The following ITIH4 variants were observed in gnomAD, a reference collection of about 807,000 sequenced individuals.
ITIH4 encodes the protein inter-alpha-trypsin inhibitor heavy chain 4.
ITIH4 carries 79 observed loss-of-function variants against 111.8 expected under a neutral mutation model. That is an observed-to-expected ratio of 0.71 (90% confidence interval 0.59 to 0.85). ITIH4 has a LOEUF of 0.85. Among genes scored for constraint, ITIH4 ranks in the 40% least tolerant of loss-of-function variants. The pLI is 0.00. For missense variants in ITIH4, 1,065 were observed against 1,195.8 expected (o/e 0.89, Z 1.61); for synonymous variants, 472 against 468.3 (o/e 1.01, Z -0.10).
chr3:52,821,273 T>A, intron 11 of ITIH4, 143 bp from the exon 12 acceptor site: 2 of 961,242 alleles, frequency 2.1e-6, no homozygotes, highest in South Asian at 1.6e-5. Context: ...TGAGTGGGGG[T>A]AAGGAGGGGG....
rs1447829807 is a variant in ITIH4, at chr3:52,821,036, T to A, written c.1634A>T (p.Glu545Val). ...GATAGTCAGGTATGCCCAGAGCCTC[T>A]CCATGAAGTTGTGGAAGATATACTT... is the stretch of plus-strand genomic sequence containing the variant. ...SPKYIFHNFM[E>V]RLWAYLTIQQ... The change falls in exon 12 of 24, where the codon GAG becomes GTG. Residue 545 changes from glutamate (E) to valine (V), a missense_variant. Transcript: ENST00000266041. 6.2e-7 allele frequency: 1 copy of A among 1,614,108 alleles called. No homozygotes were observed. The highest frequency in any genetic ancestry group is 1.7e-4 in the Middle Eastern group (1 of 6,040).
At position 52,826,852 on chromosome 3, in the gene ITIH4, C is replaced by T. The variant is rs762695578; in HGVS notation, c.458G>A (p.Arg153His). The T allele has an allele frequency of 6.4e-5, 103 of 1,613,860 alleles. No individual in the cohort carries two copies. In the Admixed American group the frequency reaches 1.4e-3, roughly 22 times the overall value. ...ELVYEELLKR[R>H]LGVYELLLKV... ...CAGCAGCAGCTCGTACACCCCCAAA[C>T]GCCGCTTGAGCAGCTCCTCATAGAC... The change falls in exon 4 of 24, where the codon CGT becomes CAT. Residue 153 changes from arginine to histidine, a missense_variant. Transcript: ENST00000266041.
chr3:52,829,341 C>G, intron 1 of ITIH4, 62 bp from the exon 2 acceptor site: 1 of 1,523,604 alleles, frequency 6.6e-7, no homozygotes. Context: ...CGGGGTGACG[C>G]TCTTCAAGAG....
In ITIH4 at chr3:52,823,878, T is replaced by C. The variant is rs2154111522; in HGVS notation, c.1298A>G (p.Asn433Ser). The C allele has an allele frequency of 6.2e-7, 1 of 1,613,810 alleles. No homozygotes were observed. Among genetic ancestry groups the C allele is most frequent in the Non-Finnish European group, 8.5e-7 (1 of 1,179,960 alleles). ...YAFLEKLALD[N>S]GGLARRIHED... ...ATGGATGCGCCGGGCCAGGCCGCCA[T>C]TGTCCAGTGCCAGCTTCTCCAGGAA... Residue 433 changes from asparagine to serine, a missense_variant, in exon 10 of 24, where the codon AAT (asparagine) becomes AGT (serine). Transcript: ENST00000266041.
chr3:52,826,994 T>C, intron 3 of ITIH4, 41 bp from the exon 4 acceptor site: 1 of 1,613,458 alleles, frequency 6.2e-7, no homozygotes, highest in Non-Finnish European at 8.5e-7. Flanking sequence ...CCAGGACAGG[T>C]GGGGTAAGGC....
intron 2 of ITIH4, among the ~76,000 whole-genome samples, 181 bp downstream of exon 2, chr3:52,828,938 C>T (rs1230061945): frequency 1.3e-5 from 2 of 152,174 alleles, no homozygotes; most frequent in Non-Finnish European, 2.9e-5. Flanking sequence ...AGGACGGGGG[C>T]ATCTTTGAGA....
intron 21 of ITIH4, among the ~76,000 whole-genome samples, chr3:52,814,637 A>T (rs911835639): frequency 1.3e-5 from 2 of 152,128 alleles, no homozygotes; most frequent in Non-Finnish European, 2.9e-5. Flanking sequence ...CCCAGGCTGC[A>T]GTGCAGTGGT....
At chr3:52,815,246 CT>C (rs59772931) in intron 21 of ITIH4, among the ~76,000 whole-genome samples, 28,132 of 138,764 alleles carry the variant, frequency 0.2, 3,393 homozygotes, top group African/African-American at 0.44. Context: ...TTTCTTTTTT[CT>C]TTTTTTTTTT....
intron 11 of ITIH4, among the ~76,000 whole-genome samples, chr3:52,823,027 A>T (rs1700412390): frequency 6.6e-6 from 1 of 152,158 alleles, no homozygotes; most frequent in African/African-American, 2.4e-5. Flanking sequence ...GGTCAGCCTC[A>T]TTCACTGCTG....
intron 2 of ITIH4, among the ~76,000 whole-genome samples, chr3:52,827,966 C>A (rs983677940): frequency 2.6e-5 from 4 of 152,130 alleles, no homozygotes; most frequent in Non-Finnish European, 5.9e-5. Context: ...GGAGGGGGAG[C>A]AGCCAGGATG....
In ITIH4 at chr3:52,825,983, T is replaced by A; in HGVS notation, c.662A>T (p.Gln221Leu). 1 of 1,614,156 alleles carries A rather than the reference T, an allele frequency of 6.2e-7. No individual in the cohort carries two copies. Among genetic ancestry groups the A allele is most frequent in the Non-Finnish European group, 8.5e-7 (1 of 1,180,006 alleles). ...TTGCTGCTCTGGGGACTTTTGCTGC[T>A]GGGAAAGTGTTGGCTTGAACCGGAT... Reference protein sequence around the residue: ...AHIRFKPTLSQQQKSPEQQET... With the variant: ...AHIRFKPTLSLQQKSPEQQET... Residue 221 changes from glutamine (Q) to leucine (L), a missense_variant, in exon 6 of 24, where the codon CAG (glutamine) becomes CTG (leucine). Physicochemically the swap from Gln to Leu is moderately radical, Grantham distance 113. Coordinates refer to ENST00000266041, the MANE Select transcript of ITIH4 (RefSeq NM_002218.5).
Position 52,818,299 on chromosome 3 carries a change from G to A in ITIH4, c.2153-16C>T. 1 of 1,576,378 alleles carries A rather than the reference G, an allele frequency of 6.3e-7. No homozygotes were observed. Among genetic ancestry groups the A allele is most frequent in the Non-Finnish European group, 8.6e-7 (1 of 1,162,822 alleles). On this transcript the variant is annotated splice_polypyrimidine_tract_variant and intron_variant, in intron 18 of 23. Transcript: ENST00000266041. ...ATGGTTGTTTCTAAAAGAAGAAAAA[G>A]TCTGGGTTTAGGCAGCCCCTTCCTG...
intron 21 of ITIH4, 109 bp from the exon 22 acceptor site, chr3:52,814,472 G>A (rs1360361075): frequency 7.3e-6 from 7 of 955,120 alleles, no homozygotes; most frequent in Middle Eastern, 2.4e-4. Context: ...AGGAAGTCAC[G>A]GAGTGGCCTT....
chr3:52,820,354 C>CA, intron 13 of ITIH4, 37 bp from the exon 14 acceptor site: 2 of 1,600,288 alleles, frequency 1.2e-6, no homozygotes, highest in Non-Finnish European at 8.6e-7. Flanking sequence ...GACAGACAGA[C>CA]AGAGACACAG....
chr3:52,820,214 C>T, intron 14 of ITIH4, 77 bp downstream of exon 14: 1 of 1,594,432 alleles, frequency 6.3e-7, no homozygotes, highest in Non-Finnish European at 8.6e-7. Flanking sequence ...GGCCAGCAAC[C>T]TCACAGGGCT....
chr3:52,821,729 G>T (rs976209098), intron 11 of ITIH4, among the ~76,000 whole-genome samples: 2 of 152,170 alleles, frequency 1.3e-5, no homozygotes, highest in Non-Finnish European at 2.9e-5. Flanking sequence ...TCCTCCCTCA[G>T]GGAGGGGCCT....
chr3:52,824,152 T>G lies in ITIH4; in HGVS notation c.1171+38A>C. 2 of 1,606,842 alleles carry G rather than the reference T, an allele frequency of 1.2e-6. No homozygotes were observed. Among genetic ancestry groups the G allele is most frequent in the South Asian group, 1.1e-5 (1 of 90,874 alleles). ...CAGGTGCAGCCCCAGCCGCCTCCCC[T>G]GTGCAGCACGTCCTGGAGTCACGGG... is the stretch of plus-strand genomic sequence containing the variant. On this transcript the variant is annotated intron_variant, in intron 9 of 23. Transcript: ENST00000266041. The surrounding 1 kb of genome is among the most constrained non-coding windows in gnomAD (Gnocchi z 4.3).
chr3:52,819,288 T>C, intron 17 of ITIH4, 105 bp downstream of exon 17: 1 of 1,345,618 alleles, frequency 7.4e-7, no homozygotes, highest in South Asian at 1.3e-5. Flanking sequence ...CAGCCGTCCC[T>C]GGCCTGGCCC....
chr3:52,818,267 G>A lies in ITIH4; in HGVS notation c.2169C>T (p.Thr723=), dbSNP rs992320456. The change falls in exon 19 of 24, where the codon ACC becomes ACT. Residue 723 remains threonine, a synonymous_variant. Coordinates refer to ENST00000266041, the MANE Select transcript of ITIH4 (RefSeq NM_002218.5). The stretch of plus-strand genomic sequence containing the variant: ...GGGCTGGGAACTTACCTGGGGTTTG[G>A]GTTGTCATGGTTGTTTCTAAAAGAA... The part of the protein sequence containing the change: ...NMKIEETTMT[T]QTPAPIQAPS... The A allele has an allele frequency of 6.3e-7, 1 of 1,578,690 alleles. No homozygotes were observed. The highest frequency in any genetic ancestry group is 1.4e-5 in the African/African-American group (1 of 73,694).
Sources: allele counts gnomAD v4.1 joint callset (sites outside exome capture counted in the v4.1 genomes callset), GRCh38; gene constraint gnomAD v4.1.1; non-coding constraint Gnocchi (gnomAD v3.1); transcripts MANE v1.5; gene names NCBI Gene and HGNC (gene_info 2026-07-23, HGNC 2026-07-21).